Variants in HIVEP3 observed in about 807,000 individuals in gnomAD.
HIVEP3 encodes transcription factor HIVEP3.
A neutral mutation model predicts 152.8 loss-of-function variants in HIVEP3; 49 were observed. The ratio of observed to expected loss-of-function variants is 0.32; its 90% CI spans 0.26 to 0.41. The LOEUF (loss-of-function observed/expected upper bound fraction) is 0.41, where lower values mean the gene tolerates loss of function less well. HIVEP3 is among the 10% of genes least tolerant of loss of function. The probability of loss-of-function intolerance (pLI) is 1.00; values close to 1 mark genes in which losing one functional copy is unlikely to be tolerated. For missense variants in HIVEP3, 2,790 were observed against 3,103.3 expected (o/e 0.90, Z 2.40); for synonymous variants, 1,269 against 1,289.0 (o/e 0.98, Z 0.33).
At position 41,579,903 on chromosome 1, in the gene HIVEP3, A is replaced by C. The variant is rs199632813; in HGVS notation, c.4895T>G (p.Ile1632Arg). Reference protein sequence around the residue: ...RRSSVYAGWCISLYNPNLPGV... With the variant: ...RRSSVYAGWCRSLYNPNLPGV... ...CGGAAGGTTGGGGTTGTACAAACTT[A>C]TGCACCAACCAGCGTAAACAGAGGA... is the stretch of plus-strand genomic sequence containing the variant. The change falls in exon 4 of 9, where the codon ATA (isoleucine) becomes AGA (arginine). Residue 1632 changes from isoleucine (I) to arginine (R), a missense_variant. This residue lies in a region of HIVEP3 where 1,078 missense variants were observed against 1,165.3 expected (regional missense o/e 0.93). Coordinates refer to ENST00000372583, the MANE Select transcript of HIVEP3 (RefSeq NM_024503.5). 5.5e-5 allele frequency: 88 copies of C among 1,614,234 alleles called. No homozygotes were observed. Among genetic ancestry groups the C allele is most frequent in the African/African-American group, 1.3e-5 (1 of 75,052 alleles).
chr1:42,014,030 T>C (rs554536557), intron 1 of HIVEP3, among the ~76,000 whole-genome samples: 2 of 152,342 alleles, frequency 1.3e-5, no homozygotes, highest in East Asian at 3.9e-4. Context: ...GCCCCTGGCA[T>C]AATGCCCCAT....
intron 1 of HIVEP3, among the ~76,000 whole-genome samples, chr1:41,722,411 T>G (rs112030381): frequency 4.7e-4 from 66 of 139,486 alleles, no homozygotes; most frequent in Admixed American, 1.2e-3. Flanking sequence ...TGGCCTTCCT[T>G]CCTTCCTTCC....
At chr1:41,675,792 T>A (rs1475287787) in intron 2 of HIVEP3, among the ~76,000 whole-genome samples, 1 of 152,182 alleles carries the variant, frequency 6.6e-6, no homozygotes, top group Non-Finnish European at 1.5e-5. Flanking sequence ...GCCCTCAATA[T>A]GGGTGTAGAG....
At chr1:42,026,107 G>A (rs1035181217) in intron 1 of HIVEP3, among the ~76,000 whole-genome samples, 8 of 151,912 alleles carry the variant, frequency 5.3e-5, no homozygotes, top group Non-Finnish European at 4.4e-5. Flanking sequence ...AAGGCTTGTC[G>A]GTCACGATAA....
In HIVEP3 at chr1:41,666,967, ACT is replaced by A. The variant is rs1645805482; in HGVS notation, c.-721+33947_-721+33948del. Among the ~76,000 whole-genome samples the A allele has an allele frequency of 2.0e-5, 3 of 151,896 alleles. No individual in the cohort carries two copies. In the South Asian group the frequency reaches 6.2e-4, roughly 32 times the overall value. On this transcript the variant is annotated intron_variant, in intron 2 of 8. Coordinates refer to ENST00000372583, the MANE Select transcript of HIVEP3 (RefSeq NM_024503.5). ...ACATTTTGCACATGCAGTTCCCTAT[ACT>A]TTTCCCCTCACCCATCTGCTTGGCC... is the stretch of plus-strand genomic sequence containing the variant.
chr1:41,581,898 C>T lies in HIVEP3; in HGVS notation c.2900G>A (p.Arg967His), dbSNP rs768463437. ...AEAPSPSSDM[R>H]PKPLGTHMLT... Reference sequence around the variant, plus strand: ...CATGTGGGTGCCCAGGGGTTTGGGGCGCATGTCAGATGAGGGACTGGGGGC... The same window carrying T: ...CATGTGGGTGCCCAGGGGTTTGGGGTGCATGTCAGATGAGGGACTGGGGGC... Residue 967 changes from arginine to histidine, a missense_variant, in exon 4 of 9, where the codon CGC becomes CAC. This residue lies in a region of HIVEP3 where 1,078 missense variants were observed against 1,165.3 expected (regional missense o/e 0.93). Coordinates refer to ENST00000372583, the MANE Select transcript of HIVEP3 (RefSeq NM_024503.5). The surrounding 1 kb of genome is among the most constrained non-coding windows in gnomAD (Gnocchi z 4.5). The T allele has an allele frequency of 7.4e-6, 12 of 1,613,392 alleles. No individual in the cohort carries two copies. The highest frequency in any genetic ancestry group is 4.5e-5 in the East Asian group (2 of 44,878).
intron 2 of HIVEP3, among the ~76,000 whole-genome samples, chr1:41,677,066 G>A (rs1645968871): frequency 6.6e-6 from 1 of 152,182 alleles, no homozygotes; most frequent in Admixed American, 6.5e-5. Context: ...GAAAAGAATG[G>A]GGAAAATAAG....
chr1:41,750,671 T>C (rs546149341), intron 1 of HIVEP3, among the ~76,000 whole-genome samples: 169 of 151,850 alleles, frequency 1.1e-3, no homozygotes, highest in Non-Finnish European at 2.0e-3. Context: ...TGGGCACTCT[T>C]TATCACCTAC....
At chr1:41,636,940 C>T (rs1387784998) in intron 2 of HIVEP3, among the ~76,000 whole-genome samples, 1 of 123,646 alleles carries the variant, frequency 8.1e-6, no homozygotes, top group African/African-American at 3.3e-5. Context: ...GCCTGGGCAA[C>T]AAGAGCGAAA....
rs550580966 is a variant in HIVEP3 at position 41,843,747 on chromosome 1, T to C, written c.-801+74666A>G. ...GGCCCCAACTCTGCCCCCACACCTT[T>C]ACACACATTCTGATTTTTTTTATTA... On this transcript the variant is annotated intron_variant, in intron 1 of 8. Transcript: ENST00000372583. 4.9e-4 allele frequency among the ~76,000 whole-genome samples: 74 copies of C among 152,348 alleles called. 1 individual carries two copies. Among genetic ancestry groups the C allele is most frequent in the African/African-American group, 1.7e-3 (72 of 41,584 alleles).
intron 2 of HIVEP3, among the ~76,000 whole-genome samples, chr1:41,678,748 G>A (rs871252): frequency 0.062 from 9,423 of 151,440 alleles, 1,129 homozygotes; most frequent in African/African-American, 0.22. Context: ...AGGTCCCCAG[G>A]GCTGCCAAGG....
At chr1:41,593,827 G>A (rs1044488971) in intron 3 of HIVEP3, among the ~76,000 whole-genome samples, 7 of 152,164 alleles carry the variant, frequency 4.6e-5, no homozygotes, top group African/African-American at 1.7e-4. Flanking sequence ...GGTCTCACTC[G>A]GCTAAAAGCA....
intron 2 of HIVEP3, among the ~76,000 whole-genome samples, chr1:41,696,757 A>G (rs1481556425): frequency 1.3e-5 from 2 of 152,262 alleles, no homozygotes; most frequent in Non-Finnish European, 2.9e-5. Context: ...ATTTAAAAAA[A>G]AAAATCTGCG....
At chr1:41,780,161 G>A (rs6702661) in intron 1 of HIVEP3, among the ~76,000 whole-genome samples, 28,574 of 151,884 alleles carry the variant, frequency 0.19, 6,333 homozygotes, top group African/African-American at 0.54. Context: ...GGGAGCAGAC[G>A]CTCAGGGTCT....
At chr1:41,973,306 G>A (rs1227234072) in intron 1 of HIVEP3, among the ~76,000 whole-genome samples, 2 of 152,242 alleles carry the variant, frequency 1.3e-5, no homozygotes, top group African/African-American at 4.8e-5. Context: ...TCTCTTGCAA[G>A]GCTGCAACCA....
At chr1:41,638,254 G>GAC (rs1558136836) in intron 2 of HIVEP3, among the ~76,000 whole-genome samples, 1 of 112,710 alleles carries the variant, frequency 8.9e-6, no homozygotes, top group East Asian at 5.2e-4. Context: ...TAAAGAAAGA[G>GAC]AGAGAAAGAA....
At chr1:41,829,701 T>C (rs1420405884) in intron 1 of HIVEP3, among the ~76,000 whole-genome samples, 1 of 151,970 alleles carries the variant, frequency 6.6e-6, no homozygotes, top group African/African-American at 2.4e-5. Flanking sequence ...AATATATTCA[T>C]ATACATTGAA....
At chr1:41,840,599 G>A (rs945266540) in intron 1 of HIVEP3, among the ~76,000 whole-genome samples, 3 of 152,180 alleles carry the variant, frequency 2.0e-5, no homozygotes, top group African/African-American at 7.2e-5. Context: ...TGGCAGCCAC[G>A]AGAAATTAAT....
intron 1 of HIVEP3, among the ~76,000 whole-genome samples, chr1:41,818,095 A>G (rs1642466150): frequency 6.6e-6 from 1 of 152,196 alleles, no homozygotes; most frequent in African/African-American, 2.4e-5. Flanking sequence ...AATTTCTAGA[A>G]TATACAAGGA....
Sources: allele counts gnomAD v4.1 joint callset (sites outside exome capture counted in the v4.1 genomes callset), GRCh38; gene constraint gnomAD v4.1.1; regional missense constraint gnomAD v4.1.1; non-coding constraint Gnocchi (gnomAD v3.1); transcripts MANE v1.5; gene names NCBI Gene and HGNC (gene_info 2026-07-23, HGNC 2026-07-21).